HS6ST2: variants seen among roughly 807,000 people sequenced by gnomAD.
HS6ST2 encodes the protein heparan-sulfate 6-O-sulfotransferase 2.
HS6ST2 carries 17 observed loss-of-function variants against 33.0 expected under a neutral mutation model. The ratio of observed to expected loss-of-function variants is 0.52; its 90% CI spans 0.35 to 0.77. HS6ST2 has a LOEUF of 0.77. Among genes scored for constraint, HS6ST2 ranks in the 30% least tolerant of loss-of-function variants. HS6ST2 has a pLI of 0.01. For synonymous variants in HS6ST2, 248 were observed against 237.1 expected (o/e 1.05, Z -0.42); for missense variants, 519 against 551.7 (o/e 0.94, Z 0.59).
intron 2 of HS6ST2, among the ~76,000 whole-genome samples, chrX:132,772,080 T>C (rs967412892): frequency 8.9e-6 from 1 of 111,951 alleles, no homozygotes; most frequent in Admixed American, 9.6e-5. Context: ...ATATATTGGA[T>C]ACATTCTTAT....
At chrX:132,686,026 G>A (rs1403374409) in intron 3 of HS6ST2, among the ~76,000 whole-genome samples, 2 of 111,474 alleles carry the variant, frequency 1.8e-5, no homozygotes, top group African/African-American at 6.5e-5. Flanking sequence ...CTAGATAACT[G>A]TTCATTAATT....
At chrX:132,808,479 C>T (rs753890241) in intron 2 of HS6ST2, among the ~76,000 whole-genome samples, 1 of 111,633 alleles carries the variant, frequency 9.0e-6, no homozygotes, top group Non-Finnish European at 1.9e-5. Context: ...CTCATGGCTC[C>T]ACTTTCTCCA....
At chrX:132,858,799 T>C (rs1968857569) in intron 2 of HS6ST2, among the ~76,000 whole-genome samples, 1 of 112,247 alleles carries the variant, frequency 8.9e-6, no homozygotes, top group South Asian at 3.7e-4. Context: ...GTAGACAATA[T>C]CCCCTCCTGG....
At chrX:132,758,336 A>C (rs774456548) in intron 2 of HS6ST2, 1 of 111,986 alleles carries the variant, frequency 8.9e-6, no homozygotes, top group Non-Finnish European at 1.9e-5. Flanking sequence ...CTGCAGGCTA[A>C]AGTGTGCAGA....
rs750608610 is a variant in HS6ST2, at chrX:132,661,445, T to C, written c.1067+7668A>G. Reference sequence around the variant, plus strand: ...TGAAATAAAACAATACTATTTACCATAGCACCAAAAGTGTGAAATATTTAG... The same window carrying C: ...TGAAATAAAACAATACTATTTACCACAGCACCAAAAGTGTGAAATATTTAG... On this transcript the variant is annotated intron_variant, in intron 4 of 4. Transcript: ENST00000370833. Among the ~76,000 whole-genome samples, 9 of 111,177 alleles carry C rather than the reference T, an allele frequency of 8.1e-5. No homozygotes were observed. The South Asian group carries it at 3.4e-3, about 42-fold the overall frequency.
intron 2 of HS6ST2, among the ~76,000 whole-genome samples, chrX:132,725,994 A>T (rs1314006752): frequency 9.1e-6 from 1 of 109,385 alleles, no homozygotes; most frequent in Admixed American, 9.8e-5. Context: ...AAGTGGAGGG[A>T]TAGTTACCAG....
At chrX:132,918,792 T>C (rs896745447) in intron 2 of HS6ST2, among the ~76,000 whole-genome samples, 2 of 111,817 alleles carry the variant, frequency 1.8e-5, no homozygotes, top group African/African-American at 6.5e-5. Flanking sequence ...TAGCTCAGAA[T>C]AAATGGCCTG....
chrX:132,818,943 G>A (rs2065423282), intron 2 of HS6ST2, among the ~76,000 whole-genome samples: 1 of 111,876 alleles, frequency 8.9e-6, no homozygotes, highest in South Asian at 3.8e-4. Flanking sequence ...ATTCTGACAG[G>A]TGAAAGACAG....
chrX:132,811,010 G>C (rs1436786980), intron 2 of HS6ST2, among the ~76,000 whole-genome samples: 2 of 111,924 alleles, frequency 1.8e-5, no homozygotes, highest in Non-Finnish European at 3.8e-5. Flanking sequence ...GCACAAACTA[G>C]CTGATATACC....
At chrX:132,836,602 A>T (rs1241160095) in intron 2 of HS6ST2, among the ~76,000 whole-genome samples, 5 of 112,813 alleles carry the variant, frequency 4.4e-5, no homozygotes, top group Non-Finnish European at 9.4e-5. Flanking sequence ...GGTTCAACAT[A>T]TCTCATAGAA....
chrX:132,794,574 G>T (rs12007214), intron 2 of HS6ST2, among the ~76,000 whole-genome samples: 9,858 of 98,825 alleles, frequency 0.1, 612 homozygotes, highest in African/African-American at 0.18. Flanking sequence ...TGATGATGAT[G>T]ATTATTATTA....
At chrX:132,720,085 C>T (rs2064314960) in intron 2 of HS6ST2, among the ~76,000 whole-genome samples, 1 of 112,289 alleles carries the variant, frequency 8.9e-6, no homozygotes, top group South Asian at 3.7e-4. Flanking sequence ...ACACACAGCC[C>T]CACCATGGTT....
At chrX:132,760,577 G>C (rs1242858486) in intron 2 of HS6ST2, among the ~76,000 whole-genome samples, 3 of 111,708 alleles carry the variant, frequency 2.7e-5, no homozygotes, top group African/African-American at 9.8e-5. Flanking sequence ...TTTCTTTGTA[G>C]CAGTGTGAGA....
At chrX:132,788,124 C>T (rs1460686733) in intron 2 of HS6ST2, among the ~76,000 whole-genome samples, 1 of 111,436 alleles carries the variant, frequency 9.0e-6, no homozygotes, top group Non-Finnish European at 1.9e-5. Context: ...AAGCATACCT[C>T]ATTTCATTGT....
chrX:132,926,630 A>G (rs2066712903), intron 2 of HS6ST2, among the ~76,000 whole-genome samples: 1 of 111,888 alleles, frequency 8.9e-6, no homozygotes, highest in Admixed American at 9.5e-5. Flanking sequence ...GCACCTCAAA[A>G]CTCCCAGTCT....
chrX:132,794,594 T>C (rs2065157516), intron 2 of HS6ST2, among the ~76,000 whole-genome samples: 1 of 107,294 alleles, frequency 9.3e-6, no homozygotes, highest in Non-Finnish European at 1.9e-5. Flanking sequence ...ATTATTATTA[T>C]TATTATTATT....
chrX:132,766,171 T>G (rs2064846866), intron 2 of HS6ST2, among the ~76,000 whole-genome samples: 1 of 112,530 alleles, frequency 8.9e-6, no homozygotes. Context: ...ATCACTGTAG[T>G]ACAGCATTCA....
At chrX:132,637,808 A>G (rs2063561272) in intron 4 of HS6ST2, among the ~76,000 whole-genome samples, 1 of 44,801 alleles carries the variant, frequency 2.2e-5, no homozygotes, top group East Asian at 6.6e-4. Flanking sequence ...AATATTATAT[A>G]TTATTTTATA....
At chrX:132,652,323 C>T (rs1416244897) in intron 4 of HS6ST2, among the ~76,000 whole-genome samples, 1 of 112,072 alleles carries the variant, frequency 8.9e-6, no homozygotes, top group African/African-American at 3.2e-5. Flanking sequence ...TGATCGATGA[C>T]CCAATAGGCA....
Sources: allele counts gnomAD v4.1 joint callset (sites outside exome capture counted in the v4.1 genomes callset), GRCh38; gene constraint gnomAD v4.1.1; transcripts MANE v1.5; gene names NCBI Gene and HGNC (gene_info 2026-07-23, HGNC 2026-07-21).